Variants in CAPRIN1 observed in about 807,000 individuals in gnomAD.
CAPRIN1 encodes the protein cell cycle associated protein 1.
In CAPRIN1, 29 loss-of-function variants were observed where a neutral mutation model predicts 100.9. The observed-to-expected ratio is 0.29, with a 90% CI of 0.21 to 0.39. CAPRIN1 has a LOEUF of 0.39. Ranked by LOEUF, CAPRIN1 falls within the 10% of genes least tolerant of loss-of-function variation. The pLI, the probability that CAPRIN1 is intolerant of heterozygous loss-of-function variation, is 1.00. For synonymous variants in CAPRIN1, 338 were observed against 307.5 expected (o/e 1.10, Z -1.04); for missense variants, 795 against 876.7 (o/e 0.91, Z 1.18).
Position 34,101,882 on chromosome 11 carries a change from A to G in CAPRIN1, c.*2515A>G, listed in dbSNP as rs528049951. Among the ~76,000 whole-genome samples, 1 of 152,324 alleles carries G rather than the reference A, an allele frequency of 6.6e-6. No individual in the cohort carries two copies. The highest frequency in any genetic ancestry group is 1.5e-5 in the Non-Finnish European group (1 of 67,998). On this transcript the variant is annotated 3_prime_UTR_variant, in exon 19 of 19. Coordinates refer to ENST00000341394, the MANE Select transcript of CAPRIN1 (RefSeq NM_005898.5). ...GTCACTGTAGCCTCTTGGTGTAGCAAGCTCACATACAAAATACTTTTGTAT... is the reference window on the plus strand; with the variant it reads ...GTCACTGTAGCCTCTTGGTGTAGCAGGCTCACATACAAAATACTTTTGTAT...
chr11:34,069,636 C>T (rs1454126057), intron 2 of CAPRIN1, among the ~76,000 whole-genome samples: 1 of 151,578 alleles, frequency 6.6e-6, no homozygotes, highest in Non-Finnish European at 1.5e-5. Context: ...GGGGTCAGGT[C>T]TGTCATATCA....
At position 34,089,348 on chromosome 11, in the gene CAPRIN1, TA is replaced by T. The variant is rs778023470; in HGVS notation, c.1232-42del. 1.2e-5 allele frequency: 13 copies of T among 1,057,116 alleles called. No homozygotes were observed. The South Asian group carries it at 1.6e-4, about 13-fold the overall frequency. The allele number at this position is 1,057,116 out of a possible 1,614,324, so 65.5% of individuals were successfully genotyped here. On this transcript the variant is annotated intron_variant, in intron 11 of 18. Transcript: ENST00000341394. ...TAAAAGGTATTTAGACGCGTCTCTC[TA>T]AAAATTTAATTTTGTTTGACAAAAA...
At chr11:34,095,378 GC>G (rs1280264467) in intron 15 of CAPRIN1, among the ~76,000 whole-genome samples, 1 of 152,170 alleles carries the variant, frequency 6.6e-6, no homozygotes, top group Non-Finnish European at 1.5e-5. Context: ...ATAATAAAAG[GC>G]AATCTATGTA....
chr11:34,079,905 G>GTGTTTTTTTTTTTTTTTTTTTTTTTT (rs1850980839), intron 7 of CAPRIN1, 140 bp downstream of exon 7: 1 of 316,642 alleles, frequency 3.2e-6, no homozygotes, highest in African/African-American at 2.9e-5. Flanking sequence ...GCATGACAAA[G>GTGTTTTTTTTTTTTTTTTTTTTTTTT]TTTTTTTTTT....
At chr11:34,069,756 AC>A (rs1850773488) in intron 2 of CAPRIN1, among the ~76,000 whole-genome samples, 1 of 152,090 alleles carries the variant, frequency 6.6e-6, no homozygotes, top group Non-Finnish European at 1.5e-5. Context: ...AAAATTGGGT[AC>A]TATTAAAAGC....
intron 2 of CAPRIN1, among the ~76,000 whole-genome samples, chr11:34,066,141 A>G (rs1224955970): frequency 1.3e-5 from 2 of 151,630 alleles, no homozygotes; most frequent in Admixed American, 1.3e-4. Context: ...AGGCCCGGCT[A>G]CTTTTTGTAT....
In CAPRIN1 at chr11:34,052,630, GA is replaced by G. The variant is rs765085892; in HGVS notation, c.215del (p.Lys72ArgfsTer11). The G allele has an allele frequency of 6.2e-7, 1 of 1,607,558 alleles. No homozygotes were observed. The highest frequency in any genetic ancestry group is 1.1e-5 in the South Asian group (1 of 90,182). On this transcript the variant is annotated frameshift_variant, in exon 2 of 19. Transcript: ENST00000341394. LOFTEE classifies it high-confidence loss of function. ...ACAAGAAACTTCGGAACCTGGAGAA[GA>G]AAAAGGTGCCAGGAGTTGGCGGGGA... ...IDKKLRNLEKKKGKLDDYQER... is the reference protein window; with the variant it reads ...IDKKLRNLEKXKGKLDDYQER...
chr11:34,078,899 G>C (rs1371836749), intron 6 of CAPRIN1, among the ~76,000 whole-genome samples: 1 of 152,150 alleles, frequency 6.6e-6, no homozygotes, highest in East Asian at 1.9e-4. Context: ...GTTCTGTGTA[G>C]TACTTTTCAC....
intron 12 of CAPRIN1, 51 bp from the exon 13 acceptor site, chr11:34,090,126 AAC>A: frequency 8.6e-7 from 1 of 1,159,786 alleles, no homozygotes; most frequent in East Asian, 2.4e-5. Context: ...TTGTTTTTTT[AAC>A]AGTCAATTTT....
At chr11:34,090,312 A>G (rs769422256) in intron 13 of CAPRIN1, 23 bp downstream of exon 13, 4 of 1,490,128 alleles carry the variant, frequency 2.7e-6, no homozygotes, top group East Asian at 4.5e-5. Flanking sequence ...ACCGGGTCAC[A>G]TACATTTGAT....
At chr11:34,078,130 CA>C (rs1208758577) in intron 6 of CAPRIN1, among the ~76,000 whole-genome samples, 1 of 152,004 alleles carries the variant, frequency 6.6e-6, no homozygotes, top group African/African-American at 2.4e-5. Context: ...CTAATATACC[CA>C]AATTAGTGTT....
chr11:34,057,621 G>T (rs557031010), intron 2 of CAPRIN1, among the ~76,000 whole-genome samples: 81 of 152,224 alleles, frequency 5.3e-4, no homozygotes, highest in Non-Finnish European at 7.1e-4. Context: ...TAGTAAAAGT[G>T]TTAATTTTTG....
chr11:34,090,127 ACAGT>A (rs1565096334), intron 12 of CAPRIN1, 48 bp from the exon 13 acceptor site: 19 of 1,168,822 alleles, frequency 1.6e-5, no homozygotes, highest in Non-Finnish European at 2.1e-5. Context: ...TGTTTTTTTA[ACAGT>A]CAATTTTGTA....
At chr11:34,086,713 T>C (rs1851153433) in intron 11 of CAPRIN1, among the ~76,000 whole-genome samples, 1 of 152,218 alleles carries the variant, frequency 6.6e-6, no homozygotes, top group Non-Finnish European at 1.5e-5. Flanking sequence ...ACATTACCAG[T>C]ACCCCAGAAA....
At chr11:34,084,194 T>TGG (rs1265337792) in intron 9 of CAPRIN1, among the ~76,000 whole-genome samples, 2 of 152,034 alleles carry the variant, frequency 1.3e-5, no homozygotes, top group African/African-American at 4.8e-5. Flanking sequence ...CCTCAAGTGA[T>TGG]CTGCCCGTTT....
rs1000591731 is a variant in CAPRIN1 at position 34,101,478 on chromosome 11, G to A, written c.*2111G>A. Among the ~76,000 whole-genome samples the A allele has an allele frequency of 6.6e-6, 1 of 152,208 alleles. No individual in the cohort carries two copies. The highest frequency in any genetic ancestry group is 1.5e-5 in the Non-Finnish European group (1 of 68,028). On this transcript the variant is annotated 3_prime_UTR_variant, in exon 19 of 19. Coordinates refer to ENST00000341394, the MANE Select transcript of CAPRIN1 (RefSeq NM_005898.5). Reference sequence around the variant, plus strand: ...CTGAATCAGTTTCAGAGAAGGGATGGGGGAGAAAATGCCTTCTAGGTTTTG... The same window carrying A: ...CTGAATCAGTTTCAGAGAAGGGATGAGGGAGAAAATGCCTTCTAGGTTTTG...
chr11:34,085,870 G>A (rs1331729712), intron 9 of CAPRIN1, among the ~76,000 whole-genome samples, 194 bp from the exon 10 acceptor site: 1 of 152,146 alleles, frequency 6.6e-6, no homozygotes, highest in Non-Finnish European at 1.5e-5. Flanking sequence ...TTATGGAACT[G>A]AAACACTGTA....
chr11:34,095,647 C>T (rs1014208464), intron 15 of CAPRIN1, among the ~76,000 whole-genome samples: 1 of 152,342 alleles, frequency 6.6e-6, no homozygotes, highest in Admixed American at 6.5e-5. Context: ...GTGTGTGGGC[C>T]TTCCTTTGTT....
At chr11:34,053,164 G>A in intron 2 of CAPRIN1, 1 of 987,792 alleles carries the variant, frequency 1.0e-6, no homozygotes, top group Non-Finnish European at 1.2e-6. Context: ...CCGTAGGAGA[G>A]AAGTGTGTTT....
Sources: gnomAD v4.1 joint callset for allele counts (sites outside exome capture counted in the v4.1 genomes callset) on GRCh38, gnomAD v4.1.1 for gene constraint, MANE v1.5 for transcripts, NCBI Gene and HGNC (gene_info 2026-07-23, HGNC 2026-07-21) for gene names.